EIF2AK3: variants seen among roughly 807,000 people sequenced by gnomAD.
EIF2AK3 encodes the protein eukaryotic translation initiation factor 2-alpha kinase 3.
In EIF2AK3, 50 loss-of-function variants were observed where a neutral mutation model predicts 113.5. That is an observed-to-expected ratio of 0.44 (90% CI 0.35 to 0.56). The LOEUF (loss-of-function observed/expected upper bound fraction) is 0.56, where lower values mean the gene tolerates loss of function less well. EIF2AK3 is among the 20% of genes least tolerant of loss of function. The pLI, the probability that EIF2AK3 is intolerant of heterozygous loss-of-function variation, is 0.00. For synonymous variants in EIF2AK3, 448 were observed against 495.4 expected, an observed-to-expected ratio of 0.90 and a Z score of 1.27; for missense variants, 1,185 against 1,378.0, an observed-to-expected ratio of 0.86 and a Z score of 2.22.
intron 9 of EIF2AK3, among the ~76,000 whole-genome samples, chr2:88,585,502 A>G (rs1003200931): frequency 5.3e-5 from 8 of 152,100 alleles, no homozygotes; most frequent in African/African-American, 1.9e-4. Context: ...GAACAGTGAA[A>G]AGAGGGAGTG....
At chr2:88,599,381 T>C (rs1387916919) in intron 2 of EIF2AK3, among the ~76,000 whole-genome samples, 2 of 152,088 alleles carry the variant, frequency 1.3e-5, no homozygotes, top group African/African-American at 2.4e-5. Context: ...TTTTTATCTT[T>C]TGTAGAATGT....
At chr2:88,600,923 CTTTAT>C (rs1675133644) in intron 2 of EIF2AK3, among the ~76,000 whole-genome samples, 1 of 152,210 alleles carries the variant, frequency 6.6e-6, no homozygotes, top group Non-Finnish European at 1.5e-5. Context: ...GTACATTCAA[CTTTAT>C]TTTAACTGGT....
intron 2 of EIF2AK3, among the ~76,000 whole-genome samples, chr2:88,608,131 AATT>A (rs71848990): frequency 0.14 from 21,256 of 152,128 alleles, 2,452 homozygotes; most frequent in African/African-American, 0.32. Flanking sequence ...ATAACTTAAA[AATT>A]ATTATACAGT....
intron 15 of EIF2AK3, among the ~76,000 whole-genome samples, chr2:88,560,208 C>G (rs1165651721): frequency 6.6e-6 from 1 of 152,086 alleles, no homozygotes; most frequent in Non-Finnish European, 1.5e-5. Flanking sequence ...CCCTAATGCC[C>G]AACGATGTTG....
intron 13 of EIF2AK3, among the ~76,000 whole-genome samples, chr2:88,572,758 C>T (rs1674345104): frequency 6.6e-6 from 1 of 152,112 alleles, no homozygotes; most frequent in South Asian, 2.1e-4. Context: ...ATGGTATGAC[C>T]ATCTAGAACA....
rs1238993770 is a variant in EIF2AK3 at position 88,574,920 on chromosome 2, T to C, written c.2563A>G (p.Ile855Val). 6 of 1,614,202 alleles carry C rather than the reference T, an allele frequency of 3.7e-6. No individual in the cohort carries two copies. Among genetic ancestry groups the C allele is most frequent in the East Asian group, 2.2e-5 (1 of 44,882 alleles). The change falls in exon 13 of 17, where the codon ATT becomes GTT. Residue 855 changes from isoleucine (I) to valine (V), a missense_variant. Physicochemically the swap from Ile to Val is conservative, Grantham distance 29 (BLOSUM62 3). This residue lies in a region of EIF2AK3 where 877 missense variants were observed against 1,024.2 expected (regional missense o/e 0.86). Transcript: ENST00000303236. ...AAAGTGGTTGGTCTTGGAGGAGAAA[T>C]AGACAATGTAGCTTCAGAAGAAGAT... is the stretch of plus-strand genomic sequence containing the variant. Reference protein sequence around the residue: ...SKSSSEATLSISPPRPTTLSL... With the variant: ...SKSSSEATLSVSPPRPTTLSL...
chr2:88,579,614 T>C lies in EIF2AK3; in HGVS notation c.1790A>G (p.Gln597Arg). 1 of 1,613,688 alleles carries C rather than the reference T, an allele frequency of 6.2e-7. No homozygotes were observed. Among genetic ancestry groups the C allele is most frequent in the Non-Finnish European group, 8.5e-7 (1 of 1,179,732 alleles). ...SRYLTDFEPIQCLGRGGFGVV... is the reference protein window; with the variant it reads ...SRYLTDFEPIRCLGRGGFGVV... Reference sequence around the variant, plus strand: ...TCCAAAGCCACCACGTCCCAGGCATTGAATTGGCTCAAAATCAGTTAGATA... The same window carrying C: ...TCCAAAGCCACCACGTCCCAGGCATCGAATTGGCTCAAAATCAGTTAGATA... The change falls in exon 11 of 17, where the codon CAA becomes CGA. Residue 597 changes from glutamine to arginine, a missense_variant. Physicochemically the swap from Gln to Arg is conservative, Grantham distance 43. Around this residue, in one of 3 missense-constraint regions of EIF2AK3, gnomAD observed 877 missense variants for 1,024.2 expected, o/e 0.86. Transcript: ENST00000303236.
chr2:88,575,746 G>A (rs2104412791), intron 12 of EIF2AK3: 2 of 406,592 alleles, frequency 4.9e-6, no homozygotes, highest in South Asian at 2.3e-5. Flanking sequence ...GGATTCCTTG[G>A]TGGCTTAAAA....
Position 88,557,535 on chromosome 2 carries a change from T to C in EIF2AK3, c.*201A>G, listed in dbSNP as rs1319124205. ...CTAACAAAGAACAAAGATAGCCCTTTCCTTAAGTATAGCAAAACTCAGGAG... is the reference window on the plus strand; with the variant it reads ...CTAACAAAGAACAAAGATAGCCCTTCCCTTAAGTATAGCAAAACTCAGGAG... On this transcript the variant is annotated 3_prime_UTR_variant, in exon 17 of 17. Coordinates refer to ENST00000303236, the MANE Select transcript of EIF2AK3 (RefSeq NM_004836.7). 2 of 616,880 alleles carry C rather than the reference T, an allele frequency of 3.2e-6. No homozygotes were observed. The highest frequency in any genetic ancestry group is 3.9e-5 in the South Asian group (2 of 51,084). 38.2% of individuals were successfully genotyped at this position (616,880 alleles called of 1,614,324 possible).
At chr2:88,584,617 G>C (rs1375489201) in intron 9 of EIF2AK3, among the ~76,000 whole-genome samples, 1 of 151,572 alleles carries the variant, frequency 6.6e-6, no homozygotes, top group Non-Finnish European at 1.5e-5. Flanking sequence ...AAATACTCTA[G>C]TAAGAGGAGT....
At chr2:88,619,482 G>A (rs1437154119) in intron 1 of EIF2AK3, among the ~76,000 whole-genome samples, 1 of 152,150 alleles carries the variant, frequency 6.6e-6, no homozygotes, top group African/African-American at 2.4e-5. Context: ...GGATCTACTT[G>A]TTATCACCAT....
At chr2:88,586,155 T>G (rs945435139) in intron 8 of EIF2AK3, 94 bp from the exon 9 acceptor site, 3 of 937,968 alleles carry the variant, frequency 3.2e-6, no homozygotes. Flanking sequence ...CTGTGACTTA[T>G]CACATTAATT....
intron 2 of EIF2AK3, among the ~76,000 whole-genome samples, chr2:88,609,024 G>A (rs193155119): frequency 1.7e-4 from 26 of 151,386 alleles, no homozygotes; most frequent in Middle Eastern, 3.4e-3. Flanking sequence ...GTGAGCCACC[G>A]CGCCCGGCCT....
chr2:88,563,410 AC>A (rs376877836), intron 14 of EIF2AK3, among the ~76,000 whole-genome samples: 184 of 152,242 alleles, frequency 1.2e-3, no homozygotes, highest in African/African-American at 4.3e-3. Flanking sequence ...AGCAATCTGA[AC>A]CCTGTCTCAC....
intron 1 of EIF2AK3, among the ~76,000 whole-genome samples, chr2:88,621,989 C>T (rs936158545): frequency 1.3e-5 from 2 of 151,188 alleles, no homozygotes; most frequent in Non-Finnish European, 2.9e-5. Flanking sequence ...CTCTGCATCC[C>T]GGGTTCAATT....
In EIF2AK3 at chr2:88,559,510, CTG is replaced by C. The variant is rs141821640; in HGVS notation, c.3088-533_3088-532del. Among the ~76,000 whole-genome samples the C allele has an allele frequency of 8.3e-3, 1,176 of 141,386 alleles. 6 individuals carry two copies. The highest frequency in any genetic ancestry group is 0.013 in the South Asian group (53 of 4,122). 92.8% of individuals were successfully genotyped at this position (141,386 alleles called of 152,430 possible). A position where few individuals can be genotyped will look rare whatever the true frequency, so the allele number is the denominator to read the frequency against. ...CAATCCCCTGTGGATACCAAGATGA[CTG>C]TGTGTGTGTGTGTGTGTGTGTGTGT... On this transcript the variant is annotated intron_variant, in intron 15 of 16. Transcript: ENST00000303236.
At chr2:88,583,035 T>TC (rs1487914338) in intron 10 of EIF2AK3, among the ~76,000 whole-genome samples, 2 of 152,290 alleles carry the variant, frequency 1.3e-5, no homozygotes, top group East Asian at 3.9e-4. Context: ...AGTGTTTTTT[T>TC]CCCTATATTT....
intron 14 of EIF2AK3, among the ~76,000 whole-genome samples, chr2:88,564,528 T>C (rs899384547): frequency 1.3e-5 from 2 of 152,086 alleles, no homozygotes; most frequent in African/African-American, 4.8e-5. Context: ...CCTCTTCCTT[T>C]CTCAAATGGC....
intron 2 of EIF2AK3, among the ~76,000 whole-genome samples, chr2:88,605,382 G>C (rs913257816): frequency 2.6e-5 from 4 of 152,108 alleles, no homozygotes; most frequent in African/African-American, 9.7e-5. Flanking sequence ...TAAATTAAAG[G>C]CGGGAGCAGA....
Sources: gnomAD v4.1 joint callset for allele counts (sites outside exome capture counted in the v4.1 genomes callset) on GRCh38, gnomAD v4.1.1 for gene constraint, gnomAD v4.1.1 regional missense constraint, MANE v1.5 for transcripts, NCBI Gene and HGNC (gene_info 2026-07-23, HGNC 2026-07-21) for gene names.